HDAC8: variants seen among roughly 807,000 people sequenced by gnomAD.
HDAC8 encodes histone deacetylase 8, also known as histone deacetylase-like 1.
Under a neutral mutation model 32.2 loss-of-function variants are expected in HDAC8, and 1 was observed. That is an observed-to-expected ratio of 0.03 (90% CI 0.01 to 0.15). The LOEUF is 0.15. Ranked by LOEUF, HDAC8 falls within the 10% of genes least tolerant of loss-of-function variation. The probability of loss-of-function intolerance (pLI) is 1.00; values close to 1 mark genes in which losing one functional copy is unlikely to be tolerated. For missense variants in HDAC8, 117 were observed against 300.0 expected, an observed-to-expected ratio of 0.39 and a Z score of 4.51; for synonymous variants, 108 against 113.9, an observed-to-expected ratio of 0.95 and a Z score of 0.33.
At chrX:72,448,354 A>T (rs1278887904) in intron 9 of HDAC8, among the ~76,000 whole-genome samples, 5 of 112,084 alleles carry the variant, frequency 4.5e-5, no homozygotes, top group African/African-American at 1.6e-4. Context: ...TATTTAATAA[A>T]TGGTGTTGGG....
chrX:72,569,686 G>A (rs978971734), intron 2 of HDAC8, among the ~76,000 whole-genome samples: 2 of 111,537 alleles, frequency 1.8e-5, no homozygotes, highest in East Asian at 2.8e-4. Flanking sequence ...AGGGAATAAA[G>A]GGAGCTAACC....
chrX:72,352,867 A>C (rs2044222809), intron 9 of HDAC8, among the ~76,000 whole-genome samples: 1 of 111,721 alleles, frequency 9.0e-6, no homozygotes, highest in African/African-American at 3.3e-5. Context: ...AATTGGGATA[A>C]GTCTTTGAAT....
intron 2 of HDAC8, among the ~76,000 whole-genome samples, chrX:72,569,842 T>C (rs2051948351): frequency 8.9e-6 from 1 of 112,248 alleles, no homozygotes; most frequent in African/African-American, 3.2e-5. Context: ...CCTGGGTGCT[T>C]GTTAGAAATG....
chrX:72,497,817 T>A (rs2049075006), intron 4 of HDAC8, among the ~76,000 whole-genome samples: 1 of 111,850 alleles, frequency 8.9e-6, no homozygotes, highest in Non-Finnish European at 1.9e-5. Context: ...CTAAATTGAA[T>A]TAATGAATAT....
At chrX:72,381,056 T>C (rs1391707857) in intron 9 of HDAC8, among the ~76,000 whole-genome samples, 1 of 111,828 alleles carries the variant, frequency 8.9e-6, no homozygotes, top group Non-Finnish European at 1.9e-5. Context: ...ATGTGGTACC[T>C]GGTTTGGCAA....
intron 1 of HDAC8, chrX:72,572,383 A>G (rs184710342): frequency 7.2e-6 from 3 of 414,153 alleles, no homozygotes; most frequent in African/African-American, 5.1e-5. Context: ...GCGGTCCCCT[A>G]TGAGTGGAAA....
At chrX:72,457,986 A>T (rs2047764556) in intron 9 of HDAC8, among the ~76,000 whole-genome samples, 1 of 111,737 alleles carries the variant, frequency 8.9e-6, no homozygotes, top group Non-Finnish European at 1.9e-5. Context: ...GATGATACAC[A>T]TATACATACA....
intron 4 of HDAC8, among the ~76,000 whole-genome samples, chrX:72,561,941 A>T (rs2051577006): frequency 8.9e-6 from 1 of 112,550 alleles, no homozygotes; most frequent in Non-Finnish European, 1.9e-5. Context: ...GCTCAACATC[A>T]CTAGCGATCA....
intron 9 of HDAC8, among the ~76,000 whole-genome samples, chrX:72,390,282 C>A (rs1460653236): frequency 1.8e-5 from 2 of 111,804 alleles, no homozygotes; most frequent in Non-Finnish European, 3.8e-5. Context: ...TTCATTGCCT[C>A]TAACTATATT....
chrX:72,530,210 TCAATAGTG>T (rs1353362394), intron 4 of HDAC8, among the ~76,000 whole-genome samples: 1 of 111,861 alleles, frequency 8.9e-6, no homozygotes, highest in Non-Finnish European at 1.9e-5. Context: ...ACCTTGGAAA[TCAATAGTG>T]CAGTTTACTG....
At chrX:72,379,803 G>C (rs1415415987) in intron 9 of HDAC8, among the ~76,000 whole-genome samples, 4 of 111,292 alleles carry the variant, frequency 3.6e-5, no homozygotes, top group African/African-American at 1.3e-4. Flanking sequence ...CACCTGGCCT[G>C]TTTAGTGGCT....
At chrX:72,572,020 CCT>C in intron 2 of HDAC8, 35 bp downstream of exon 2, 5 of 1,125,833 alleles carry the variant, frequency 4.4e-6, no homozygotes, top group African/African-American at 3.7e-5. Context: ...GCTACGAACA[CCT>C]AGCTTCAGGG....
chrX:72,427,414 G>A (rs2046672963), intron 9 of HDAC8, among the ~76,000 whole-genome samples: 1 of 110,869 alleles, frequency 9.0e-6, no homozygotes, highest in African/African-American at 3.3e-5. Flanking sequence ...ATACTATGCA[G>A]CCATAAAAAA....
chrX:72,366,086 A>G (rs1555954241), intron 9 of HDAC8, among the ~76,000 whole-genome samples: 1 of 112,377 alleles, frequency 8.9e-6, no homozygotes, highest in Non-Finnish European at 1.9e-5. Context: ...GGTGCAGGCA[A>G]GGAGCTCCTG....
chrX:72,467,177 T>TACACACACACAC (rs10687994), intron 7 of HDAC8: 1 of 96,379 alleles, frequency 1.0e-5, no homozygotes, highest in African/African-American at 3.8e-5. Context: ...TGCATAGAGC[T>TACACACACACAC]ACACACACAC....
At chrX:72,456,214 A>G (rs889491519) in intron 9 of HDAC8, among the ~76,000 whole-genome samples, 1 of 111,946 alleles carries the variant, frequency 8.9e-6, no homozygotes. Flanking sequence ...ATTTCTTTTT[A>G]TCTTTGAAAA....
intron 4 of HDAC8, among the ~76,000 whole-genome samples, chrX:72,508,155 T>G (rs1556020005): frequency 8.9e-6 from 1 of 112,446 alleles, no homozygotes; most frequent in African/African-American, 3.2e-5. Context: ...TATTTGGACC[T>G]AAGACTTGCT....
At chrX:72,444,003 G>C (rs2047277132) in intron 9 of HDAC8, among the ~76,000 whole-genome samples, 1 of 108,825 alleles carries the variant, frequency 9.2e-6, no homozygotes, top group Non-Finnish European at 1.9e-5. Context: ...TTGAATCTCT[G>C]AATAGACCAA....
intron 4 of HDAC8, among the ~76,000 whole-genome samples, chrX:72,504,677 T>C (rs1199264726): frequency 8.9e-6 from 1 of 112,161 alleles, no homozygotes; most frequent in African/African-American, 3.2e-5. Context: ...AAGTATTCGT[T>C]TGAGTACTTG....
Sources: gnomAD v4.1 joint callset for allele counts (sites outside exome capture counted in the v4.1 genomes callset) on GRCh38, gnomAD v4.1.1 for gene constraint, MANE v1.5 for transcripts, NCBI Gene and HGNC (gene_info 2026-07-23, HGNC 2026-07-21) for gene names.